Variants in NR2C1 observed in about 807,000 individuals in gnomAD.
The protein encoded by NR2C1 is nuclear receptor subfamily 2 group C member 1, also known as TR2 nuclear hormone receptor.
Under a neutral mutation model 74.8 loss-of-function variants are expected in NR2C1, and 33 were observed. The observed-to-expected ratio is 0.44, with a 90% CI of 0.33 to 0.59. The LOEUF is 0.59. NR2C1 is among the 20% of genes least tolerant of loss of function. NR2C1 has a pLI of 0.02. For synonymous variants in NR2C1, 225 were observed against 240.6 expected (o/e 0.94, Z 0.60); for missense variants, 568 against 715.6 (o/e 0.79, Z 2.35).
At chr12:95,071,126 G>C (rs1211720076) in intron 1 of NR2C1, among the ~76,000 whole-genome samples, 2 of 152,054 alleles carry the variant, frequency 1.3e-5, no homozygotes, top group Non-Finnish European at 2.9e-5. Flanking sequence ...GCTTGAACCT[G>C]GGAGGTGGAG....
chr12:95,050,986 G>A (rs901668715), intron 8 of NR2C1, among the ~76,000 whole-genome samples: 6 of 152,166 alleles, frequency 3.9e-5, no homozygotes, highest in Middle Eastern at 3.4e-3. Flanking sequence ...TTCATCTTTA[G>A]AAGAAAAAAT....
At chr12:95,033,536 A>T (rs2136108472) in intron 10 of NR2C1, among the ~76,000 whole-genome samples, 1 of 152,290 alleles carries the variant, frequency 6.6e-6, no homozygotes, top group Non-Finnish European at 1.5e-5. Context: ...AAAACAATAG[A>T]TATTCAATAA....
intron 2 of NR2C1, among the ~76,000 whole-genome samples, chr12:95,063,817 G>A (rs552460363): frequency 2.8e-4 from 42 of 151,252 alleles, no homozygotes; most frequent in African/African-American, 1.0e-3. Flanking sequence ...ATCCCTTGAG[G>A]TCAGGAGTTC....
intron 9 of NR2C1, among the ~76,000 whole-genome samples, chr12:95,048,461 C>A (rs916754776): frequency 1.3e-5 from 2 of 152,156 alleles, no homozygotes; most frequent in Non-Finnish European, 2.9e-5. Context: ...GCAATAACTG[C>A]TATTATAACT....
chr12:95,038,176 A>C (rs2136119708), intron 10 of NR2C1, among the ~76,000 whole-genome samples: 1 of 152,334 alleles, frequency 6.6e-6, no homozygotes, highest in East Asian at 1.9e-4. Context: ...TGTGGCTACC[A>C]CTATAAAAAT....
chr12:95,023,868 A>C (rs1869039219), intron 13 of NR2C1, among the ~76,000 whole-genome samples: 1 of 152,228 alleles, frequency 6.6e-6, no homozygotes, highest in South Asian at 2.1e-4. Context: ...TTTAAAACTT[A>C]AAGATGCTGA....
At chr12:95,040,671 T>G in intron 9 of NR2C1, 74 bp from the exon 10 acceptor site, 1 of 1,421,804 alleles carries the variant, frequency 7.0e-7, no homozygotes. Context: ...TTGAAAAAGT[T>G]TAAACGTAAC....
Position 95,055,501 on chromosome 12 carries a change from C to G in NR2C1, c.783+2052G>C, listed in dbSNP as rs74418126. 3.8e-3 allele frequency among the ~76,000 whole-genome samples: 572 copies of G among 152,264 alleles called. 2 individuals are homozygous for G. Among genetic ancestry groups the G allele is most frequent in the Middle Eastern group, 0.02 (6 of 294 alleles). ...TTATTTTACAGATGAGAAAGTAAGGCACTAAGAGGTCAAATAACTTGCCTA... is the reference window on the plus strand; with the variant it reads ...TTATTTTACAGATGAGAAAGTAAGGGACTAAGAGGTCAAATAACTTGCCTA... On this transcript the variant is annotated intron_variant, in intron 7 of 13. Transcript: ENST00000333003.
At chr12:95,067,575 A>AT (rs552387315) in intron 1 of NR2C1, among the ~76,000 whole-genome samples, 184 bp from the exon 2 acceptor site, 4,469 of 143,114 alleles carry the variant, frequency 0.031, 96 homozygotes, top group Middle Eastern at 0.057. Flanking sequence ...TGTCTTTTTT[A>AT]TTTTTTTTTT....
intron 2 of NR2C1, among the ~76,000 whole-genome samples, chr12:95,063,913 C>T (rs1224031289): frequency 1.4e-5 from 2 of 147,616 alleles, no homozygotes; most frequent in East Asian, 4.0e-4. Flanking sequence ...CCTGTAATCC[C>T]AGCAACTGGG....
rs763194260 is a variant in NR2C1, at chr12:95,058,347, C to T, written c.507G>A (p.Arg169=). The change falls in exon 5 of 14, where the codon AGG becomes AGA. Residue 169 remains arginine, a synonymous_variant. Transcript: ENST00000333003. Reference sequence around the variant, plus strand: ...TTCCAAACGCAATACATCTCTGTAACCTGCAGTATTGACAGCGGTTTCGGT... The same window carrying T: ...TTCCAAACGCAATACATCTCTGTAATCTGCAGTATTGACAGCGGTTTCGGT... ...KHHRNRCQYC[R]LQRCIAFGMK... 6.2e-7 allele frequency: 1 copy of T among 1,613,476 alleles called. No homozygotes were observed. The highest frequency in any genetic ancestry group is 8.5e-7 in the Non-Finnish European group (1 of 1,179,924).
At chr12:95,064,363 T>C (rs1875309653) in intron 2 of NR2C1, among the ~76,000 whole-genome samples, 1 of 145,508 alleles carries the variant, frequency 6.9e-6, no homozygotes, top group Non-Finnish European at 1.5e-5. Flanking sequence ...AGAAGTAAAA[T>C]TAAGGGAGAT....
At chr12:95,027,057 A>G (rs555696326) in intron 12 of NR2C1, among the ~76,000 whole-genome samples, 1 of 152,046 alleles carries the variant, frequency 6.6e-6, no homozygotes, top group Non-Finnish European at 1.5e-5. Flanking sequence ...CATTTTTTAC[A>G]TTTTCATTTA....
At chr12:95,057,098 ATTTTTTTT>A (rs1184465413) in intron 7 of NR2C1, among the ~76,000 whole-genome samples, 1 of 111,560 alleles carries the variant, frequency 9.0e-6, no homozygotes, top group African/African-American at 3.4e-5. Context: ...AACATTTCTG[ATTTTTTTT>A]TTTTTTTTTT....
intron 4 of NR2C1, among the ~76,000 whole-genome samples, chr12:95,059,225 C>A (rs1874373569): frequency 6.6e-6 from 1 of 151,570 alleles, no homozygotes; most frequent in African/African-American, 2.4e-5. Flanking sequence ...TTGCTTGAAC[C>A]CAGGAGGCAG....
chr12:95,045,875 G>C (rs776760236), intron 9 of NR2C1, among the ~76,000 whole-genome samples: 1 of 151,914 alleles, frequency 6.6e-6, no homozygotes, highest in Non-Finnish European at 1.5e-5. Context: ...GTATCGCTCT[G>C]TCACTTAGGC....
rs1447927492 is a variant in NR2C1, at chr12:95,040,556, G to A, written c.1173C>T (p.His391=). Residue 391 remains histidine, a synonymous_variant, in exon 10 of 14, where the codon CAC becomes CAT. Transcript: ENST00000333003. ...GTCTGGAGGCAGACTCCCCAATGTA[G>A]TGCACATTCAGGTACTCAGGCATAG... is the stretch of plus-strand genomic sequence containing the variant. ...PSPMPEYLNV[H]YIGESASRLL... 6.2e-7 allele frequency: 1 copy of A among 1,613,646 alleles called. No individual in the cohort carries two copies. Among genetic ancestry groups the A allele is most frequent in the East Asian group, 2.2e-5 (1 of 44,866 alleles).
At chr12:95,023,550 C>CCGCT (rs1357600616) in intron 13 of NR2C1, among the ~76,000 whole-genome samples, 2 of 152,178 alleles carry the variant, frequency 1.3e-5, no homozygotes, top group Admixed American at 6.5e-5. Context: ...GGAATCAAGA[C>CCGCT]CGCTGGGTTC....
At chr12:95,061,277 A>T (rs1874742347) in intron 3 of NR2C1, among the ~76,000 whole-genome samples, 1 of 152,226 alleles carries the variant, frequency 6.6e-6, no homozygotes, top group Non-Finnish European at 1.5e-5. Flanking sequence ...GCAAAAACTA[A>T]GGAAAGTCTA....
Sources: gnomAD v4.1 joint callset for allele counts (sites outside exome capture counted in the v4.1 genomes callset) on GRCh38, gnomAD v4.1.1 for gene constraint, MANE v1.5 for transcripts, NCBI Gene and HGNC (gene_info 2026-07-23, HGNC 2026-07-21) for gene names.